STARD13: variants seen among roughly 807,000 people sequenced by gnomAD.
STARD13 encodes the protein StAR related lipid transfer domain containing 13, also known as stAR-related lipid transfer protein 13.
STARD13 carries 62 observed loss-of-function variants against 106.4 expected under a neutral mutation model. The observed-to-expected ratio is 0.58, with a 90% CI of 0.48 to 0.72. The LOEUF (loss-of-function observed/expected upper bound fraction) is 0.72. Ranked by LOEUF, STARD13 falls within the 30% of genes least tolerant of loss-of-function variation. The pLI is 0.00. For missense variants in STARD13, 1,387 were observed against 1,424.0 expected (o/e 0.97, Z 0.42); for synonymous variants, 565 against 553.0 (o/e 1.02, Z -0.31).
chr13:33,198,950 C>A (rs1397676033), intron 1 of STARD13, among the ~76,000 whole-genome samples: 1 of 152,178 alleles, frequency 6.6e-6, no homozygotes, highest in African/African-American at 2.4e-5. Context: ...AAAGTTCTAG[C>A]CCCCATCTCC....
chr13:33,545,335 T>G, the STARD13 span, among the ~76,000 whole-genome samples: 1 of 152,296 alleles, frequency 6.6e-6, no homozygotes, highest in Admixed American at 6.5e-5. Context: ...GACCTCGTGA[T>G]CCGCCTGCCT....
At chr13:33,257,804 G>A (rs920608690) in intron 1 of STARD13, among the ~76,000 whole-genome samples, 3 of 152,180 alleles carry the variant, frequency 2.0e-5, no homozygotes, top group African/African-American at 7.2e-5. Flanking sequence ...GAGGGTAACA[G>A]AAACAAAGCT....
At chr13:33,426,773 A>G in the STARD13 span, among the ~76,000 whole-genome samples, 2 of 152,160 alleles carry the variant, frequency 1.3e-5, no homozygotes, top group East Asian at 3.8e-4. Context: ...TTTATGTTGT[A>G]TTAAGAGGTC....
intron 1 of STARD13, among the ~76,000 whole-genome samples, chr13:33,238,468 A>T (rs974565085): frequency 2.6e-5 from 4 of 152,220 alleles, no homozygotes; most frequent in African/African-American, 9.6e-5. Flanking sequence ...ACATTAGAAA[A>T]GCAGCATAGA....
chr13:33,315,428 C>T (rs1893292300), intron 1 of STARD13, among the ~76,000 whole-genome samples: 1 of 152,144 alleles, frequency 6.6e-6, no homozygotes, highest in East Asian at 1.9e-4. Flanking sequence ...ATATACCAGA[C>T]CTTACATTTT....
At chr13:33,251,536 T>C (rs1890096179) in intron 1 of STARD13, among the ~76,000 whole-genome samples, 1 of 152,220 alleles carries the variant, frequency 6.6e-6, no homozygotes, top group Non-Finnish European at 1.5e-5. Context: ...TTGGTCTCAG[T>C]GTCATTTATT....
the STARD13 span, among the ~76,000 whole-genome samples, chr13:33,576,924 G>A: frequency 2.6e-5 from 4 of 152,006 alleles, no homozygotes; most frequent in East Asian, 5.8e-4. Context: ...TTTAGTTTCC[G>A]GTTTAAAGCC....
At chr13:33,507,882 C>T in the STARD13 span, among the ~76,000 whole-genome samples, 1 of 151,986 alleles carries the variant, frequency 6.6e-6, no homozygotes, top group African/African-American at 2.4e-5. Flanking sequence ...TCTTCATCCT[C>T]ATCATCTTCT....
chr13:33,514,345 G>T, the STARD13 span, among the ~76,000 whole-genome samples: 2 of 152,134 alleles, frequency 1.3e-5, no homozygotes, highest in African/African-American at 4.8e-5. Flanking sequence ...GGGTCTGTTT[G>T]CTTGAAGGAT....
chr13:33,347,288 T>C (rs766381194), downstream of STARD13, among the ~76,000 whole-genome samples: 1 of 152,132 alleles, frequency 6.6e-6, no homozygotes, highest in Non-Finnish European at 1.5e-5. Context: ...TAGGCTGGAG[T>C]GCAGTGGCAC....
chr13:33,445,661 G>A, the STARD13 span, among the ~76,000 whole-genome samples: 3 of 151,926 alleles, frequency 2.0e-5, no homozygotes, highest in Non-Finnish European at 4.4e-5. Flanking sequence ...CTGGTATCCC[G>A]AACAGCTCAA....
At chr13:33,568,834 ATCAAAT>A in the STARD13 span, among the ~76,000 whole-genome samples, 2 of 148,584 alleles carry the variant, frequency 1.3e-5, no homozygotes, top group African/African-American at 2.5e-5. Context: ...ATATGTGTAC[ATCAAAT>A]TCAAAGTAGG....
At chr13:33,411,057 A>G in the STARD13 span, among the ~76,000 whole-genome samples, 2 of 152,204 alleles carry the variant, frequency 1.3e-5, no homozygotes, top group African/African-American at 4.8e-5. Context: ...TACAGTCCCT[A>G]TGGTTTCATC....
chr13:33,221,355 T>G (rs2138177407), intron 1 of STARD13, among the ~76,000 whole-genome samples: 1 of 152,374 alleles, frequency 6.6e-6, no homozygotes, highest in Non-Finnish European at 1.5e-5. Flanking sequence ...CTTATTTCAC[T>G]TAGTATAATG....
the STARD13 span, among the ~76,000 whole-genome samples, chr13:33,459,399 T>C: frequency 3.7e-4 from 56 of 152,370 alleles, no homozygotes; most frequent in East Asian, 7.1e-3. Context: ...CATAATGCAT[T>C]TGACATTCAT....
At chr13:33,166,928 A>G (rs1048730856) in intron 2 of STARD13, among the ~76,000 whole-genome samples, 1 of 149,408 alleles carries the variant, frequency 6.7e-6, no homozygotes, top group Non-Finnish European at 1.5e-5. Flanking sequence ...CAGGAGGCGG[A>G]GGTTGCAGCG....
the STARD13 span, among the ~76,000 whole-genome samples, chr13:33,495,134 T>C: frequency 6.6e-6 from 1 of 152,154 alleles, no homozygotes; most frequent in Admixed American, 6.6e-5. Flanking sequence ...ATGTACACCA[T>C]AAAAATACTT....
intron 1 of STARD13, among the ~76,000 whole-genome samples, chr13:33,349,800 G>A (rs2078054361): frequency 6.6e-6 from 1 of 152,212 alleles, no homozygotes; most frequent in Non-Finnish European, 1.5e-5. Context: ...CCCCCGAGTG[G>A]CTGGTCTGCG....
the STARD13 span, among the ~76,000 whole-genome samples, chr13:33,450,676 G>A: frequency 6.6e-6 from 1 of 152,176 alleles, no homozygotes; most frequent in African/African-American, 2.4e-5. Flanking sequence ...CATAATGGTT[G>A]CACAAGAGGC....
Sources: gnomAD v4.1 joint callset for allele counts (sites outside exome capture counted in the v4.1 genomes callset) on GRCh38, gnomAD v4.1.1 for gene constraint, MANE v1.5 for transcripts, NCBI Gene and HGNC (gene_info 2026-07-23, HGNC 2026-07-21) for gene names.